HTR2C: variants seen among roughly 807,000 people sequenced by gnomAD.
The protein encoded by HTR2C is 5-hydroxytryptamine (serotonin) receptor 2C, G protein-coupled.
A neutral mutation model predicts 21.0 loss-of-function variants in HTR2C; 5 were observed. The ratio of observed to expected loss-of-function variants is 0.24; its 90% confidence interval spans 0.12 to 0.50. The LOEUF (loss-of-function observed/expected upper bound fraction) is 0.50, where lower values mean the gene tolerates loss of function less well. HTR2C is among the 20% of genes least tolerant of loss of function. The pLI, the probability that HTR2C is intolerant of heterozygous loss-of-function variation, is 0.98. For synonymous variants in HTR2C, 150 were observed against 145.3 expected (o/e 1.03, Z -0.23); for missense variants, 271 against 371.2 (o/e 0.73, Z 2.22).
chrX:114,739,637 A>T (rs782181502), intron 4 of HTR2C, among the ~76,000 whole-genome samples: 97 of 111,785 alleles, frequency 8.7e-4, no homozygotes, highest in Non-Finnish European at 1.3e-3. Flanking sequence ...ACAATAATAC[A>T]TGCCAAACAC....
chrX:114,731,433 T>A lies in HTR2C; in HGVS notation c.175T>A (p.Ser59Thr), dbSNP rs781896215. ...CGGGGTACAAAACTGGCCAGCACTT[T>A]CAATCGTCATCATAATAATCATGAC... ...PDGVQNWPAL[S>T]IVIIIIMTIG... The change falls in exon 4 of 6, where the codon TCA (serine) becomes ACA (threonine). Residue 59 changes from serine (S) to threonine (T), a missense_variant. Ser to Thr is a moderately conservative substitution (Grantham distance 58). Around this residue, in one of 5 missense-constraint regions of HTR2C, gnomAD observed 57 missense variants for 64.0 expected, o/e 0.89. Transcript: ENST00000276198. The A allele has an allele frequency of 1.7e-6, 2 of 1,210,330 alleles. No homozygotes were observed.
intron 2 of HTR2C, chrX:114,651,575 A>G (rs1930575326): frequency 8.0e-6 from 1 of 125,532 alleles, no homozygotes; most frequent in Admixed American, 9.6e-5. Flanking sequence ...TGGGCTGTGT[A>G]TAGTATTATT....
intron 4 of HTR2C, among the ~76,000 whole-genome samples, chrX:114,822,878 A>C (rs1556456809): frequency 8.9e-6 from 1 of 111,976 alleles, no homozygotes; most frequent in Admixed American, 9.5e-5. Flanking sequence ...CTAAATGAAC[A>C]GGGCTGATTG....
At chrX:114,709,567 A>T (rs782014488) in intron 2 of HTR2C, among the ~76,000 whole-genome samples, 1 of 112,338 alleles carries the variant, frequency 8.9e-6, no homozygotes, top group Admixed American at 9.5e-5. Flanking sequence ...AGTTTTGCAT[A>T]AACAACTTAT....
At chrX:114,884,194 G>A (rs986517876) in intron 5 of HTR2C, among the ~76,000 whole-genome samples, 1 of 110,792 alleles carries the variant, frequency 9.0e-6, no homozygotes, top group Admixed American at 9.7e-5. Context: ...GATTTAGTTT[G>A]ATTCCATATC....
intron 5 of HTR2C, among the ~76,000 whole-genome samples, chrX:114,864,047 T>C (rs2071025802): frequency 1.1e-5 from 1 of 90,156 alleles, no homozygotes; most frequent in African/African-American, 4.0e-5. Flanking sequence ...GTGAGTTTCT[T>C]GTAGGCAACA....
chrX:114,698,374 AT>A lies in HTR2C; in HGVS notation c.-79-28477del, dbSNP rs782537565. ...ATGGAAAGACTTCCAGTACCCTTCAATTTTTTTGACTGCTATCCATAGCATT... is the reference window on the plus strand; with the variant it reads ...ATGGAAAGACTTCCAGTACCCTTCAATTTTTTGACTGCTATCCATAGCATT... On this transcript the variant is annotated intron_variant, in intron 2 of 5. Transcript: ENST00000276198. Among the ~76,000 whole-genome samples, 159 of 109,262 alleles carry A rather than the reference AT, an allele frequency of 1.5e-3. 1 individual carries two copies. Among genetic ancestry groups the A allele is most frequent in the African/African-American group, 5.0e-3 (150 of 30,061 alleles). The allele number at this position is 109,262 out of a possible 115,157, so 94.9% of individuals were successfully genotyped here.
intron 4 of HTR2C, among the ~76,000 whole-genome samples, chrX:114,762,614 A>C (rs2069891888): frequency 8.9e-6 from 1 of 112,005 alleles, no homozygotes; most frequent in African/African-American, 3.2e-5. Context: ...GTATTGGAAC[A>C]TATTGTTATA....
intron 2 of HTR2C, among the ~76,000 whole-genome samples, chrX:114,695,794 A>G (rs1932261442): frequency 8.9e-6 from 1 of 111,921 alleles, no homozygotes; most frequent in African/African-American, 3.2e-5. Flanking sequence ...ATACAGTTAT[A>G]TGCTCACCCT....
intron 1 of HTR2C, among the ~76,000 whole-genome samples, chrX:114,599,707 T>C (rs1928007774): frequency 8.9e-6 from 1 of 112,364 alleles, no homozygotes; most frequent in Non-Finnish European, 1.9e-5. Context: ...CATTTGCATG[T>C]GTGCCTTGCA....
chrX:114,796,977 G>A (rs930965198), intron 4 of HTR2C, among the ~76,000 whole-genome samples: 3 of 111,887 alleles, frequency 2.7e-5, no homozygotes, highest in South Asian at 3.7e-4. Flanking sequence ...GTCCACTGTC[G>A]TGAGAAATAC....
At chrX:114,666,184 T>C (rs1235102850) in intron 2 of HTR2C, among the ~76,000 whole-genome samples, 1 of 111,851 alleles carries the variant, frequency 8.9e-6, no homozygotes, top group African/African-American at 3.2e-5. Context: ...ACATATTAGC[T>C]GCTAAAAAGA....
chrX:114,883,572 C>A (rs2071198462), intron 5 of HTR2C, among the ~76,000 whole-genome samples: 1 of 109,380 alleles, frequency 9.1e-6, no homozygotes, highest in African/African-American at 3.3e-5. Context: ...AACTTCTAAG[C>A]CCTGTGTAGT....
intron 4 of HTR2C, among the ~76,000 whole-genome samples, chrX:114,818,006 T>C (rs1390481525): frequency 9.0e-6 from 1 of 111,590 alleles, no homozygotes; most frequent in Non-Finnish European, 1.9e-5. Flanking sequence ...GTGACAATGG[T>C]GTTATCTCAG....
At chrX:114,756,763 A>G (rs956539589) in intron 4 of HTR2C, among the ~76,000 whole-genome samples, 2 of 111,993 alleles carry the variant, frequency 1.8e-5, no homozygotes, top group African/African-American at 6.5e-5. Context: ...CATCTTGGCT[A>G]TATCAATGTC....
At chrX:114,739,609 A>G (rs34173619) in intron 4 of HTR2C, among the ~76,000 whole-genome samples, 1 of 111,748 alleles carries the variant, frequency 8.9e-6, no homozygotes, top group Admixed American at 9.6e-5. Flanking sequence ...CATTGGCATA[A>G]CAACAATAAT....
At chrX:114,760,526 T>C (rs1384112212) in intron 4 of HTR2C, among the ~76,000 whole-genome samples, 1 of 111,312 alleles carries the variant, frequency 9.0e-6, no homozygotes, top group Non-Finnish European at 1.9e-5. Flanking sequence ...TTTTATTTTT[T>C]TCTTTTTTGA....
chrX:114,699,793 C>T (rs1932402569), intron 2 of HTR2C, among the ~76,000 whole-genome samples: 1 of 111,817 alleles, frequency 8.9e-6, no homozygotes, highest in South Asian at 3.7e-4. Flanking sequence ...CTTTCCATAG[C>T]TATAATTTTT....
In HTR2C at chrX:114,631,693, G is replaced by C. The variant is rs1929633930; in HGVS notation, c.-80+17812G>C. Reference sequence around the variant, plus strand: ...CTTCCTGACAAGCTAGGCTTCCCCAGCCTCTTCATTCTCTGTATATAAACA... The same window carrying C: ...CTTCCTGACAAGCTAGGCTTCCCCACCCTCTTCATTCTCTGTATATAAACA... On this transcript the variant is annotated intron_variant, in intron 2 of 5. Coordinates refer to ENST00000276198, the MANE Select transcript of HTR2C (RefSeq NM_000868.4). Among the ~76,000 whole-genome samples, 3 of 111,391 alleles carry C rather than the reference G, an allele frequency of 2.7e-5. No individual in the cohort carries two copies. The Admixed American group carries it at 2.9e-4, about 11-fold the overall frequency.
Sources: allele counts gnomAD v4.1 joint callset (sites outside exome capture counted in the v4.1 genomes callset), GRCh38; gene constraint gnomAD v4.1.1; regional missense constraint gnomAD v4.1.1; transcripts MANE v1.5; gene names NCBI Gene and HGNC (gene_info 2026-07-23, HGNC 2026-07-21).